Variants in GSG1L observed in about 807,000 individuals in gnomAD.
GSG1L encodes the protein germ cell-specific gene 1-like protein.
GSG1L carries 24 observed loss-of-function variants against 42.1 expected under a neutral mutation model. That is an observed-to-expected ratio of 0.57 (90% CI 0.41 to 0.80). The LOEUF (loss-of-function observed/expected upper bound fraction) is 0.80. Among genes scored for constraint, GSG1L ranks in the 30% least tolerant of loss-of-function variants. The pLI is 0.00. For missense variants in GSG1L, 445 were observed against 472.2 expected, an observed-to-expected ratio of 0.94 and a Z score of 0.53; for synonymous variants, 215 against 203.5, an observed-to-expected ratio of 1.06 and a Z score of -0.48.
intron 5 of GSG1L, among the ~76,000 whole-genome samples, chr16:27,816,895 T>C (rs941469912): frequency 2.0e-5 from 3 of 152,030 alleles, no homozygotes; most frequent in Non-Finnish European, 2.9e-5. Flanking sequence ...GAGGTCCTCA[T>C]GGAAAGTGGG....
intron 1 of GSG1L, among the ~76,000 whole-genome samples, chr16:28,044,292 G>C (rs965879501): frequency 6.8e-6 from 1 of 148,004 alleles, no homozygotes; most frequent in Non-Finnish European, 1.5e-5. Flanking sequence ...CAGGAGGATG[G>C]GAAAGAGAGA....
chr16:27,936,762 T>C (rs775299008), intron 2 of GSG1L, among the ~76,000 whole-genome samples: 11 of 152,222 alleles, frequency 7.2e-5, no homozygotes, highest in South Asian at 2.1e-4. Context: ...ACAAAAGTAA[T>C]TGCAGTGTTT....
chr16:27,907,066 T>C (rs1193318804), intron 2 of GSG1L, among the ~76,000 whole-genome samples: 1 of 152,142 alleles, frequency 6.6e-6, no homozygotes, highest in East Asian at 1.9e-4. Flanking sequence ...TCTACTGTGA[T>C]TGGTTAAGGG....
At chr16:27,804,037 G>GGATAGATAGATACAGAGA in intron 6 of GSG1L, among the ~76,000 whole-genome samples, 1 of 132,676 alleles carries the variant, frequency 7.5e-6, no homozygotes, top group African/African-American at 3.1e-5. Flanking sequence ...TAGATTAGAT[G>GGATAGATAGATACAGAGA]GATAGATAGA....
intron 2 of GSG1L, among the ~76,000 whole-genome samples, chr16:27,940,833 C>A (rs2084784201): frequency 6.7e-6 from 1 of 148,704 alleles, no homozygotes; most frequent in Admixed American, 6.8e-5. Context: ...TGCGCATGTA[C>A]CCTAAAACTT....
intron 1 of GSG1L, among the ~76,000 whole-genome samples, chr16:28,028,422 C>A (rs570118810): frequency 6.6e-6 from 1 of 152,020 alleles, no homozygotes; most frequent in African/African-American, 2.4e-5. Context: ...GGGATTGGAA[C>A]CTAGGCCTAC....
Position 27,799,279 on chromosome 16 carries a change from A to T in GSG1L, c.899-7812T>A, listed in dbSNP as rs142554536. Among the ~76,000 whole-genome samples, 251 of 148,730 alleles carry T rather than the reference A, an allele frequency of 1.7e-3. 1 individual carries two copies. Among genetic ancestry groups the T allele is most frequent in the African/African-American group, 5.8e-3 (232 of 40,314 alleles). On this transcript the variant is annotated intron_variant, in intron 6 of 6. Transcript: ENST00000447459. ...CTGGGCTTGGCGGCTCACGCCTGTA[A>T]TCTCATCACTTTGGGAGTCCAAGGC...
At chr16:28,000,740 T>C (rs2085571080) in intron 1 of GSG1L, among the ~76,000 whole-genome samples, 1 of 152,178 alleles carries the variant, frequency 6.6e-6, no homozygotes, top group East Asian at 1.9e-4. Flanking sequence ...GTTTACTGTC[T>C]GGGAAGAAAT....
At chr16:27,965,400 G>A (rs2085119984) in intron 1 of GSG1L, among the ~76,000 whole-genome samples, 1 of 152,006 alleles carries the variant, frequency 6.6e-6, no homozygotes, top group African/African-American at 2.4e-5. Flanking sequence ...TTGGTATAGA[G>A]ACTAATATAC....
chr16:28,018,690 C>A (rs76895370), intron 1 of GSG1L, among the ~76,000 whole-genome samples: 14 of 152,062 alleles, frequency 9.2e-5, no homozygotes, highest in African/African-American at 2.9e-4. Context: ...ACCTTCCCCC[C>A]ACCCCCAGGC....
chr16:27,968,177 T>G (rs2085156136), intron 1 of GSG1L, among the ~76,000 whole-genome samples: 1 of 152,162 alleles, frequency 6.6e-6, no homozygotes, highest in Non-Finnish European at 1.5e-5. Flanking sequence ...TATTAAGTAT[T>G]AAGCATTTTT....
chr16:27,894,382 A>C (rs1325658795), intron 2 of GSG1L, among the ~76,000 whole-genome samples: 1 of 152,258 alleles, frequency 6.6e-6, no homozygotes, highest in Non-Finnish European at 1.5e-5. Context: ...GCCACTGGAC[A>C]AATAAAACCT....
intron 2 of GSG1L, among the ~76,000 whole-genome samples, chr16:27,890,189 A>T (rs574278579): frequency 1.2e-4 from 19 of 152,346 alleles, no homozygotes; most frequent in African/African-American, 4.6e-4. Flanking sequence ...AGTCCCAAGC[A>T]ATTCTGGAAC....
chr16:27,929,992 A>C (rs570513212), intron 2 of GSG1L, among the ~76,000 whole-genome samples: 2 of 151,948 alleles, frequency 1.3e-5, no homozygotes, highest in South Asian at 2.1e-4. Flanking sequence ...GGCCTCCCCC[A>C]TGTATGCAGT....
chr16:27,852,261 A>C (rs1195527632), intron 3 of GSG1L, among the ~76,000 whole-genome samples: 1 of 152,190 alleles, frequency 6.6e-6, no homozygotes, highest in Non-Finnish European at 1.5e-5. Context: ...TGGAGCCAGA[A>C]AGATGGGGCA....
Position 27,884,706 on chromosome 16 carries a change from T to G in GSG1L, c.398-68A>C. 6.9e-6 allele frequency: 10 copies of G among 1,443,606 alleles called. No homozygotes were observed. Among genetic ancestry groups the G allele is most frequent in the Non-Finnish European group, 8.5e-6 (9 of 1,062,078 alleles). 89.4% of individuals were successfully genotyped at this position (1,443,606 alleles called of 1,614,324 possible). ...CAAGATAGACTCACCCTGTGCCTAT[T>G]CCTCCCACAACAGCAGAGGGTAGCA... On this transcript the variant is annotated intron_variant, in intron 2 of 6. Transcript: ENST00000447459. This position sits in a 1 kb window ranked among gnomAD's most constrained non-coding sequence, Gnocchi z 4.4.
At position 27,845,073 on chromosome 16, in the gene GSG1L, A is replaced by G; in HGVS notation, c.551-12T>C. ...CATTCCCAGGAGGCCTGTGGGGCAG[A>G]GAGCAGAGCAAAGCGTCAGGAAGTA... On this transcript the variant is annotated splice_polypyrimidine_tract_variant and intron_variant, in intron 3 of 6. Coordinates refer to ENST00000447459, the MANE Select transcript of GSG1L (RefSeq NM_001109763.2). 1 of 1,586,260 alleles carries G rather than the reference A, an allele frequency of 6.3e-7. No homozygotes were observed. The highest frequency in any genetic ancestry group is 8.6e-7 in the Non-Finnish European group (1 of 1,156,134).
chr16:27,795,096 T>G (rs1171285306), intron 6 of GSG1L, among the ~76,000 whole-genome samples: 1 of 152,116 alleles, frequency 6.6e-6, no homozygotes, highest in Admixed American at 6.5e-5. Context: ...GACAGCTTTA[T>G]GAGCAGGGCC....
intron 2 of GSG1L, among the ~76,000 whole-genome samples, chr16:27,918,915 C>T (rs901893056): frequency 3.9e-5 from 6 of 152,064 alleles, no homozygotes; most frequent in Middle Eastern, 3.2e-3. Context: ...TCATCATTCC[C>T]GTTCCTTTAC....
Sources: allele counts gnomAD v4.1 joint callset (sites outside exome capture counted in the v4.1 genomes callset), GRCh38; gene constraint gnomAD v4.1.1; non-coding constraint Gnocchi (gnomAD v3.1); transcripts MANE v1.5; gene names NCBI Gene and HGNC (gene_info 2026-07-23, HGNC 2026-07-21).